The following TCEA3 variants were observed in gnomAD, a reference collection of about 807,000 sequenced individuals.
TCEA3 encodes transcription elongation factor A3, also known as transcription elongation factor A protein 3.
TCEA3 carries 36 observed loss-of-function variants against 44.0 expected under a neutral mutation model. That is an observed-to-expected ratio of 0.82 (90% CI 0.63 to 1.08). The LOEUF is 1.08. Ranked by LOEUF, TCEA3 falls within the 50% of genes least tolerant of loss-of-function variation. The probability of loss-of-function intolerance (pLI) is 0.00; values close to 1 mark genes in which losing one functional copy is unlikely to be tolerated. For missense variants in TCEA3, 392 were observed against 441.2 expected (o/e 0.89, Z 1.00); for synonymous variants, 162 against 159.7 (o/e 1.01, Z -0.11).
intron 4 of TCEA3, chr1:23,411,218 A>T (rs1340736217): frequency 6.6e-6 from 1 of 152,182 alleles, no homozygotes; most frequent in Non-Finnish European, 1.5e-5. Flanking sequence ...GTGCAGGGGC[A>T]CCATCTTGGC....
At chr1:23,390,141 G>A (rs890272201) in intron 8 of TCEA3, among the ~76,000 whole-genome samples, 3 of 152,156 alleles carry the variant, frequency 2.0e-5, no homozygotes, top group Admixed American at 6.6e-5. Context: ...AAAGATAGGA[G>A]TTCCTGGGGT....
At chr1:23,424,121 C>T (rs904981190) in intron 1 of TCEA3, among the ~76,000 whole-genome samples, 20 of 152,096 alleles carry the variant, frequency 1.3e-4, no homozygotes, top group African/African-American at 4.8e-4. Context: ...CCCCCGTCAG[C>T]CCAAGTTTCT....
chr1:23,388,942 C>A (rs565299561), intron 8 of TCEA3, among the ~76,000 whole-genome samples: 3 of 152,230 alleles, frequency 2.0e-5, no homozygotes, highest in South Asian at 4.1e-4. Flanking sequence ...TTTGGACTCC[C>A]GAAGTGCCGG....
At chr1:23,420,826 C>T (rs543436252) in intron 1 of TCEA3, among the ~76,000 whole-genome samples, 4 of 152,292 alleles carry the variant, frequency 2.6e-5, no homozygotes, top group Non-Finnish European at 5.9e-5. Context: ...AGCTGCCAGG[C>T]CCTGGACACC....
chr1:23,411,360 G>A (rs993183317), intron 4 of TCEA3: 1 of 154,638 alleles, frequency 6.5e-6, no homozygotes, highest in Non-Finnish European at 1.5e-5. Context: ...GTTTTGCCAT[G>A]TTGGCCAGGC....
At chr1:23,416,131 C>T (rs534982110) in intron 4 of TCEA3, among the ~76,000 whole-genome samples, 5 of 151,614 alleles carry the variant, frequency 3.3e-5, no homozygotes, top group South Asian at 2.1e-4. Context: ...CTCAGCCTCC[C>T]GAGTAGCTGG....
chr1:23,423,090 T>C (rs931466102), intron 1 of TCEA3, among the ~76,000 whole-genome samples: 1 of 152,102 alleles, frequency 6.6e-6, no homozygotes, highest in Non-Finnish European at 1.5e-5. Flanking sequence ...GCTGAGAAAA[T>C]GCTCCCCCAA....
chr1:23,383,483 G>T, intron 10 of TCEA3: 1 of 912,670 alleles, frequency 1.1e-6, no homozygotes, highest in South Asian at 5.1e-5. Flanking sequence ...ATATCAAAAT[G>T]ATCCTCACAT....
intron 8 of TCEA3, among the ~76,000 whole-genome samples, chr1:23,390,558 G>C (rs1638993048): frequency 6.6e-6 from 1 of 152,178 alleles, no homozygotes; most frequent in East Asian, 1.9e-4. Context: ...AAAAGTATTT[G>C]GGGTAGGTTC....
rs1570263802 is a variant in TCEA3 at position 23,403,802 on chromosome 1, T to C, written c.443+4862A>G. On this transcript the variant is annotated intron_variant, in intron 5 of 10. Coordinates refer to ENST00000450454, the MANE Select transcript of TCEA3 (RefSeq NM_003196.3). ...CCTACCTGAGCAAGACTAGGCTGTT[T>C]GGAGCATTTCTTCCCACCTTCCTGG... The C allele has an allele frequency of 1.2e-5, 5 of 411,048 alleles. No individual in the cohort carries two copies. In the South Asian group the frequency reaches 1.3e-4, roughly 11 times the overall value. The allele number at this position is 411,048 out of a possible 1,614,324, so 25.5% of individuals were successfully genotyped here. A position where few individuals can be genotyped will look rare whatever the true frequency, so the allele number is the denominator to read the frequency against.
Position 23,415,014 on chromosome 1 carries a change from C to CTT in TCEA3, c.380+2233_380+2234dup, listed in dbSNP as rs59946326. Reference sequence around the variant, plus strand: ...CTTTAAAAGAAATCCCTTTACTGTTCTTTTTTTTTTTTTTTTTTTTTTTTT... The same window carrying CTT: ...CTTTAAAAGAAATCCCTTTACTGTTCTTTTTTTTTTTTTTTTTTTTTTTTTTT... On this transcript the variant is annotated intron_variant, in intron 4 of 10. Coordinates refer to ENST00000450454, the MANE Select transcript of TCEA3 (RefSeq NM_003196.3). Among the ~76,000 whole-genome samples the CTT allele has an allele frequency of 2.2e-3, 95 of 43,116 alleles. 2 individuals carry two copies. The highest frequency in any genetic ancestry group is 7.4e-3 in the African/African-American group (88 of 11,966). 28.3% of individuals were successfully genotyped at this position (43,116 alleles called of 152,430 possible).
chr1:23,397,348 C>T (rs996132147), intron 7 of TCEA3, among the ~76,000 whole-genome samples, 197 bp downstream of exon 7: 1 of 152,160 alleles, frequency 6.6e-6, no homozygotes, highest in South Asian at 2.1e-4. Flanking sequence ...TGAGGTACTG[C>T]TCATTTTCAA....
At chr1:23,423,112 C>T (rs965073693) in intron 1 of TCEA3, among the ~76,000 whole-genome samples, 17 of 152,160 alleles carry the variant, frequency 1.1e-4, no homozygotes, top group African/African-American at 3.9e-4. Context: ...ACTTGTGGCT[C>T]AGTTGTACTG....
At chr1:23,384,917 A>G (rs1638788784) in intron 9 of TCEA3, among the ~76,000 whole-genome samples, 1 of 152,042 alleles carries the variant, frequency 6.6e-6, no homozygotes, top group Non-Finnish European at 1.5e-5. Context: ...TATCTCCTAC[A>G]GGAAGTATTC....
intron 5 of TCEA3, among the ~76,000 whole-genome samples, chr1:23,400,456 G>A (rs905640460): frequency 2.0e-5 from 3 of 147,232 alleles, no homozygotes; most frequent in East Asian, 2.0e-4. Flanking sequence ...TGATCCATTC[G>A]CCTTGGCCTC....
At chr1:23,419,940 CA>C (rs1368421321) in intron 1 of TCEA3, among the ~76,000 whole-genome samples, 1 of 152,220 alleles carries the variant, frequency 6.6e-6, no homozygotes, top group African/African-American at 2.4e-5. Flanking sequence ...CATACGTGTA[CA>C]CCCATGGAAC....
intron 4 of TCEA3, among the ~76,000 whole-genome samples, chr1:23,415,282 C>T (rs1639857626): frequency 6.6e-6 from 1 of 152,168 alleles, no homozygotes; most frequent in Non-Finnish European, 1.5e-5. Context: ...CTCGGCCTCC[C>T]AAAGCGCTGG....
intron 10 of TCEA3, chr1:23,383,692 C>T (rs1638738098): frequency 1.0e-6 from 1 of 985,404 alleles, no homozygotes; most frequent in Non-Finnish European, 1.2e-6. Flanking sequence ...ACATGCAAGT[C>T]AGAGAGCAGT....
intron 8 of TCEA3, among the ~76,000 whole-genome samples, chr1:23,388,110 C>A (rs1342347034): frequency 6.6e-6 from 1 of 152,046 alleles, no homozygotes; most frequent in Non-Finnish European, 1.5e-5. Context: ...AAGCCTCTGC[C>A]AGAGGACAGC....
Sources: gnomAD v4.1 joint callset for allele counts (sites outside exome capture counted in the v4.1 genomes callset) on GRCh38, gnomAD v4.1.1 for gene constraint, MANE v1.5 for transcripts, NCBI Gene and HGNC (gene_info 2026-07-23, HGNC 2026-07-21) for gene names.